The following EIPR1 variants were observed in gnomAD, a reference collection of about 807,000 sequenced individuals.
EIPR1 encodes EARP complex and GARP complex interacting protein 1.
EIPR1 carries 25 observed loss-of-function variants against 48.1 expected under a neutral mutation model. That is an observed-to-expected ratio of 0.52 (90% CI 0.38 to 0.73). The LOEUF (loss-of-function observed/expected upper bound fraction) is 0.73, where lower values mean the gene tolerates loss of function less well. Ranked by LOEUF, EIPR1 falls within the 30% of genes least tolerant of loss-of-function variation. EIPR1 has a pLI of 0.00. For synonymous variants in EIPR1, 204 were observed against 201.9 expected (o/e 1.01, Z -0.09); for missense variants, 415 against 506.2 (o/e 0.82, Z 1.73).
intron 4 of EIPR1, among the ~76,000 whole-genome samples, chr2:3,254,466 G>A (rs1211697989): frequency 2.0e-5 from 3 of 152,182 alleles, no homozygotes; most frequent in Non-Finnish European, 4.4e-5. Flanking sequence ...ACCGTGGTGC[G>A]TCATGCCATG....
chr2:3,263,687 C>G (rs984945626), intron 3 of EIPR1, among the ~76,000 whole-genome samples: 1 of 150,850 alleles, frequency 6.6e-6, no homozygotes, highest in Admixed American at 6.6e-5. Flanking sequence ...CTCCCCAGGA[C>G]GCGGCACGGT....
intron 3 of EIPR1, among the ~76,000 whole-genome samples, chr2:3,335,002 C>T (rs1255926153): frequency 6.6e-6 from 1 of 152,196 alleles, no homozygotes; most frequent in African/African-American, 2.4e-5. Flanking sequence ...GTTGCTTCTA[C>T]AAATTGCCAC....
At chr2:3,201,713 T>C (rs1247695034) in intron 5 of EIPR1, among the ~76,000 whole-genome samples, 1 of 152,154 alleles carries the variant, frequency 6.6e-6, no homozygotes, top group Non-Finnish European at 1.5e-5. Flanking sequence ...AGAAAACCTT[T>C]AGTAAAAGCC....
At chr2:3,348,138 ACAGATGCAGAAC>A (rs1349456589) in intron 2 of EIPR1, among the ~76,000 whole-genome samples, 1 of 152,192 alleles carries the variant, frequency 6.6e-6, no homozygotes. Context: ...ACGAATCAAA[ACAGATGCAGAAC>A]CAGATGCAGA....
intron 4 of EIPR1, among the ~76,000 whole-genome samples, chr2:3,223,529 C>T (rs10205145): frequency 0.91 from 139,193 of 152,228 alleles, 64,127 homozygotes; most frequent in East Asian, 0.98. Flanking sequence ...TTCTTAAATG[C>T]ATAAAAAATA....
At chr2:3,374,889 CA>C (rs1282570915) in intron 1 of EIPR1, among the ~76,000 whole-genome samples, 10 of 144,700 alleles carry the variant, frequency 6.9e-5, no homozygotes, top group Admixed American at 4.9e-4. Flanking sequence ...GGTATATACC[CA>C]AAGGACTATA....
intron 3 of EIPR1, among the ~76,000 whole-genome samples, chr2:3,305,483 G>A (rs530388896): frequency 9.7e-4 from 125 of 129,082 alleles, no homozygotes; most frequent in African/African-American, 3.5e-3. Flanking sequence ...CTCCACTCCC[G>A]TCAGTTCAGC....
At chr2:3,345,203 CGG>C in intron 2 of EIPR1, among the ~76,000 whole-genome samples, 1 of 152,234 alleles carries the variant, frequency 6.6e-6, no homozygotes, top group East Asian at 1.9e-4. Flanking sequence ...TAGCAGAGAA[CGG>C]GGCTGAAGTA....
At chr2:3,288,638 C>T (rs564039316) in intron 3 of EIPR1, among the ~76,000 whole-genome samples, 1 of 152,312 alleles carries the variant, frequency 6.6e-6, no homozygotes, top group South Asian at 2.1e-4. Flanking sequence ...GTTCCTCGGG[C>T]ATCAGAGGGT....
chr2:3,219,870 G>A (rs1175766246), intron 4 of EIPR1, among the ~76,000 whole-genome samples: 1 of 152,190 alleles, frequency 6.6e-6, no homozygotes, highest in Non-Finnish European at 1.5e-5. Context: ...CTTAGGGCAG[G>A]AGTTCCCAAC....
chr2:3,285,656 C>T (rs1242996893), intron 3 of EIPR1, among the ~76,000 whole-genome samples: 1 of 150,818 alleles, frequency 6.6e-6, no homozygotes, highest in Admixed American at 6.6e-5. Flanking sequence ...CAGAAGTCAC[C>T]GATGTCTCCG....
chr2:3,365,093 T>G (rs1018596261), intron 1 of EIPR1, among the ~76,000 whole-genome samples: 2 of 151,976 alleles, frequency 1.3e-5, no homozygotes, highest in Non-Finnish European at 2.9e-5. Flanking sequence ...ATATATACCC[T>G]GAAACTATAT....
chr2:3,267,219 C>T (rs1036972390), intron 3 of EIPR1, among the ~76,000 whole-genome samples: 22 of 152,200 alleles, frequency 1.4e-4, no homozygotes, highest in African/African-American at 5.1e-4. Flanking sequence ...ACTGGCAGGA[C>T]GACCACAGAG....
At chr2:3,239,655 G>C (rs905720693) in intron 4 of EIPR1, among the ~76,000 whole-genome samples, 1 of 151,690 alleles carries the variant, frequency 6.6e-6, no homozygotes, top group Non-Finnish European at 1.5e-5. Context: ...ATGTGGCCCT[G>C]CCCTCAGCAC....
At chr2:3,234,697 G>A (rs949791759) in intron 4 of EIPR1, among the ~76,000 whole-genome samples, 2 of 152,268 alleles carry the variant, frequency 1.3e-5, no homozygotes, top group Admixed American at 6.5e-5. Flanking sequence ...TGAATTACAA[G>A]CGGCAGCATT....
At chr2:3,216,129 C>T (rs1488443374) in intron 4 of EIPR1, among the ~76,000 whole-genome samples, 3 of 152,128 alleles carry the variant, frequency 2.0e-5, no homozygotes, top group Non-Finnish European at 2.9e-5. Context: ...AGGTAGAGTT[C>T]GGACAGCTTG....
chr2:3,302,253 T>G (rs1390828617), intron 3 of EIPR1, among the ~76,000 whole-genome samples: 5 of 152,196 alleles, frequency 3.3e-5, no homozygotes, highest in African/African-American at 1.2e-4. Flanking sequence ...GTCTAATGAA[T>G]CACAGGATCA....
At chr2:3,294,616 C>CACA (rs1668476964) in intron 3 of EIPR1, among the ~76,000 whole-genome samples, 1 of 129,176 alleles carries the variant, frequency 7.7e-6, no homozygotes, top group African/African-American at 2.9e-5. Context: ...CATCCTCTCT[C>CACA]CACACACACC....
intron 3 of EIPR1, among the ~76,000 whole-genome samples, chr2:3,317,309 C>T (rs191677106): frequency 1.3e-4 from 20 of 151,086 alleles, no homozygotes; most frequent in South Asian, 2.1e-4. Flanking sequence ...AGGTGCTGAC[C>T]GAGCTGAGGG....
Sources: allele counts gnomAD v4.1 joint callset (sites outside exome capture counted in the v4.1 genomes callset), GRCh38; gene constraint gnomAD v4.1.1; transcripts MANE v1.5; gene names NCBI Gene and HGNC (gene_info 2026-07-23, HGNC 2026-07-21).